The following DNAH3 variants were observed in gnomAD, a reference collection of about 807,000 sequenced individuals.
DNAH3 encodes the protein dynein axonemal heavy chain 3, also known as axonemal beta dynein heavy chain 3.
A neutral mutation model predicts 432.5 loss-of-function variants in DNAH3; 332 were observed. That is an observed-to-expected ratio of 0.77 (90% confidence interval 0.70 to 0.84). The LOEUF (loss-of-function observed/expected upper bound fraction) is 0.84. DNAH3 is among the 40% of genes least tolerant of loss of function. The probability of loss-of-function intolerance (pLI) is 0.00; values close to 1 mark genes in which losing one functional copy is unlikely to be tolerated. For synonymous variants in DNAH3, 1,956 were observed against 1,900.2 expected, an observed-to-expected ratio of 1.03 and a Z score of -0.76; for missense variants, 4,861 against 5,114.0, an observed-to-expected ratio of 0.95 and a Z score of 1.51.
chr16:21,060,203 C>T, intron 26 of DNAH3, 61 bp downstream of exon 26: 1 of 1,367,876 alleles, frequency 7.3e-7, no homozygotes, highest in East Asian at 2.3e-5. Flanking sequence ...CATGAACCTT[C>T]TCCCCAATGT....
At position 20,979,645 on chromosome 16, in the gene DNAH3, C is replaced by T. The variant is rs2085763773; in HGVS notation, c.7860-99G>A. On this transcript the variant is annotated intron_variant, in intron 49 of 61. Transcript: ENST00000261383. Reference sequence around the variant, plus strand: ...ACATGAGGATATGAGAAGGCACATACACTGACTGTGACACGTTAGAATCCA... The same window carrying T: ...ACATGAGGATATGAGAAGGCACATATACTGACTGTGACACGTTAGAATCCA... 2.8e-6 allele frequency: 3 copies of T among 1,069,040 alleles called. No homozygotes were observed. The South Asian group carries it at 4.3e-5, about 15-fold the overall frequency. 66.2% of individuals were successfully genotyped at this position (1,069,040 alleles called of 1,614,324 possible).
chr16:21,135,874 T>TA (rs200043852), intron 6 of DNAH3, among the ~76,000 whole-genome samples: 31,030 of 128,618 alleles, frequency 0.24, 3,611 homozygotes, highest in East Asian at 0.32. Flanking sequence ...ACCTTGTCGC[T>TA]AAAAAAAAAA....
chr16:20,970,643 T>C (rs531148151), intron 51 of DNAH3, among the ~76,000 whole-genome samples: 1 of 152,214 alleles, frequency 6.6e-6, no homozygotes, highest in Non-Finnish European at 1.5e-5. Context: ...AGCAATCGGA[T>C]TGTTTGAGAG....
At chr16:21,047,027 GT>G (rs1160180528) in intron 31 of DNAH3, among the ~76,000 whole-genome samples, 7 of 152,114 alleles carry the variant, frequency 4.6e-5, no homozygotes, top group Non-Finnish European at 1.0e-4. Context: ...GGCTTGTAGG[GT>G]TTCTGCAGAG....
intron 27 of DNAH3, among the ~76,000 whole-genome samples, chr16:21,057,596 T>A (rs858198): frequency 0.25 from 37,354 of 152,098 alleles, 4,931 homozygotes; most frequent in East Asian, 0.46. Flanking sequence ...ATTGGCATCA[T>A]TTGGCTGGGA....
chr16:21,079,229 A>T (rs2091088795), intron 20 of DNAH3, among the ~76,000 whole-genome samples: 1 of 152,190 alleles, frequency 6.6e-6, no homozygotes, highest in African/African-American at 2.4e-5. Flanking sequence ...TTCGGTTACT[A>T]GTGTGATCAA....
intron 55 of DNAH3, among the ~76,000 whole-genome samples, chr16:20,954,287 T>C (rs924658093): frequency 6.7e-6 from 1 of 149,012 alleles, no homozygotes; most frequent in African/African-American, 2.5e-5. Flanking sequence ...AATCTACCTA[T>C]AGACTTTTTT....
rs573791190 is a variant in DNAH3, at chr16:20,952,548, C to A, written c.11073G>T (p.Gly3691=). Residue 3691 remains glycine (G), a splice_region_variant and synonymous_variant, in exon 56 of 62, where the codon GGG becomes GGT. Transcript: ENST00000261383. ...CGTTGAATTCATAGGGAATATTCCA[C>A]CCTGCGTGTGGGAGAGCAGAGAGAG... is the stretch of plus-strand genomic sequence containing the variant. 3 of 1,594,426 alleles carry A rather than the reference C, an allele frequency of 1.9e-6. No individual in the cohort carries two copies. The African/African-American group carries it at 4.0e-5, about 21-fold the overall frequency.
chr16:21,049,852 C>T (rs1283678165), intron 30 of DNAH3, 58 bp downstream of exon 30: 3 of 1,461,554 alleles, frequency 2.1e-6, no homozygotes, highest in African/African-American at 1.4e-5. Context: ...CTACTTCCCA[C>T]AGGAGGGGTG....
At chr16:21,089,941 G>A (rs1401954983) in intron 18 of DNAH3, among the ~76,000 whole-genome samples, 1 of 151,720 alleles carries the variant, frequency 6.6e-6, no homozygotes, top group Non-Finnish European at 1.5e-5. Context: ...GACAGGCAAA[G>A]AAAAAAGAAA....
At chr16:21,128,538 C>CA (rs570678731) in intron 7 of DNAH3, among the ~76,000 whole-genome samples, 125 of 151,814 alleles carry the variant, frequency 8.2e-4, no homozygotes, top group Non-Finnish European at 1.6e-3. Flanking sequence ...ACTAAAAATA[C>CA]AAAAAAATTA....
At chr16:21,048,786 C>A (rs2089832377) in intron 31 of DNAH3, among the ~76,000 whole-genome samples, 1 of 151,788 alleles carries the variant, frequency 6.6e-6, no homozygotes. Context: ...CTCCGCCTCC[C>A]AGGTTCAAGC....
intron 7 of DNAH3, among the ~76,000 whole-genome samples, chr16:21,129,770 T>A (rs2092519221): frequency 1.2e-5 from 1 of 86,140 alleles, no homozygotes; most frequent in African/African-American, 4.8e-5. Flanking sequence ...GGTGTTAGGC[T>A]GCATCCATCC....
exon 19 of DNAH3, chr16:21,087,011 A>G (rs2091398680): frequency 6.2e-7 from 1 of 1,614,060 alleles, no homozygotes; most frequent in Non-Finnish European, 8.5e-7. Flanking sequence ...TCCTCCACAT[A>G]TTCCCTATCT....
exon 6 of DNAH3, chr16:21,136,344 C>T: frequency 6.2e-7 from 1 of 1,613,940 alleles, no homozygotes; most frequent in Non-Finnish European, 8.5e-7. Flanking sequence ...CATGAGGCTA[C>T]AGTAATAGTC....
intron 41 of DNAH3, among the ~76,000 whole-genome samples, chr16:21,010,269 G>A (rs986774414): frequency 3.3e-5 from 5 of 152,110 alleles, no homozygotes; most frequent in African/African-American, 1.2e-4. Context: ...AGTAGAAAGA[G>A]GAGAATAGCA....
intron 61 of DNAH3, 138 bp from the exon 62 acceptor site, chr16:20,933,645 G>T: frequency 7.4e-6 from 5 of 674,910 alleles, no homozygotes; most frequent in Non-Finnish European, 1.2e-5. Flanking sequence ...GGACAATGGG[G>T]CTTCTGTGAT....
chr16:20,936,573 T>C (rs1322349263), intron 60 of DNAH3, 76 bp downstream of exon 60: 1 of 1,342,464 alleles, frequency 7.4e-7, no homozygotes. Context: ...CCCCTGCCTC[T>C]AGTCTGCCAT....
At chr16:21,020,095 A>G (rs1161334227) in intron 40 of DNAH3, among the ~76,000 whole-genome samples, 2 of 148,672 alleles carry the variant, frequency 1.3e-5, no homozygotes, top group African/African-American at 2.5e-5. Flanking sequence ...GTCACAGCTC[A>G]CTGTAGCCTC....
Sources: allele counts gnomAD v4.1 joint callset (sites outside exome capture counted in the v4.1 genomes callset), GRCh38; gene constraint gnomAD v4.1.1; transcripts MANE v1.5; gene names NCBI Gene and HGNC (gene_info 2026-07-23, HGNC 2026-07-21).